The following TMTC2 variants were observed in gnomAD, a reference collection of about 807,000 sequenced individuals.
TMTC2 encodes transmembrane O-mannosyltransferase targeting cadherins 2.
TMTC2 carries 43 observed loss-of-function variants against 82.4 expected under a neutral mutation model. The observed-to-expected ratio is 0.52, with a 90% CI of 0.41 to 0.67. The LOEUF (loss-of-function observed/expected upper bound fraction) is 0.67. TMTC2 is among the 30% of genes least tolerant of loss of function. The pLI is 0.00. For missense variants in TMTC2, 919 were observed against 1,012.4 expected (o/e 0.91, Z 1.25); for synonymous variants, 408 against 381.9 (o/e 1.07, Z -0.80).
At position 82,965,649 on chromosome 12, in the gene TMTC2, G is replaced by C; in HGVS notation, c.1774G>C (p.Asp592His). 6.2e-7 allele frequency: 1 copy of C among 1,613,828 alleles called. No homozygotes were observed. Among genetic ancestry groups the C allele is most frequent in the Non-Finnish European group, 8.5e-7 (1 of 1,179,786 alleles). Residue 592 changes from aspartate to histidine, a missense_variant, in exon 6 of 12, where the codon GAT becomes CAT. Coordinates refer to ENST00000321196, the MANE Select transcript of TMTC2 (RefSeq NM_152588.3). The stretch of plus-strand genomic sequence containing the variant: ...ATTCTTAAAGTGTTCGGAGATCCCA[G>C]ATGAAAACCTAAAGGACCCTCATGC... ...RTFLKCSEIP[D>H]ENLKDPHAHK...
At chr12:82,875,785 A>AT (rs1872454213) in intron 2 of TMTC2, among the ~76,000 whole-genome samples, 1 of 151,068 alleles carries the variant, frequency 6.6e-6, no homozygotes, top group Admixed American at 6.6e-5. Flanking sequence ...AGGGCACTTG[A>AT]TTTTTTTTAA....
At chr12:83,125,910 TAG>T (rs1295138748) in intron 11 of TMTC2, among the ~76,000 whole-genome samples, 3 of 152,192 alleles carry the variant, frequency 2.0e-5, no homozygotes, top group Non-Finnish European at 4.4e-5. Flanking sequence ...TGGTAATAGC[TAG>T]CAAAGTCAAA....
At position 82,878,123 on chromosome 12, in the gene TMTC2, T is replaced by C. The variant is rs1336681581; in HGVS notation, c.655-17695T>C. Among the ~76,000 whole-genome samples, 3 of 152,232 alleles carry C rather than the reference T, an allele frequency of 2.0e-5. No homozygotes were observed. The East Asian group carries it at 5.8e-4, about 29-fold the overall frequency. On this transcript the variant is annotated intron_variant, in intron 2 of 11. Coordinates refer to ENST00000321196, the MANE Select transcript of TMTC2 (RefSeq NM_152588.3). ...ATTCAGTCATTTGCTCAATCATTCA[T>C]GTACCCATTCACCCATATGACATGA...
At chr12:82,744,303 G>A (rs1482869924) in intron 1 of TMTC2, among the ~76,000 whole-genome samples, 2 of 152,104 alleles carry the variant, frequency 1.3e-5, no homozygotes, top group South Asian at 4.1e-4. Flanking sequence ...ACATGCCGTA[G>A]TCCCAGCTAC....
At chr12:82,973,193 A>G (rs1878522869) in intron 7 of TMTC2, among the ~76,000 whole-genome samples, 1 of 152,168 alleles carries the variant, frequency 6.6e-6, no homozygotes, top group Non-Finnish European at 1.5e-5. Flanking sequence ...GATTGCTTCC[A>G]TTGGCACTCT....
intron 2 of TMTC2, among the ~76,000 whole-genome samples, chr12:82,876,150 G>GGTGGTGGTA (rs1369335920): frequency 6.9e-6 from 1 of 145,982 alleles, no homozygotes; most frequent in Non-Finnish European, 1.5e-5. Context: ...TGGTGGTGGT[G>GGTGGTGGTA]GTGGTAGTGG....
intron 1 of TMTC2, among the ~76,000 whole-genome samples, chr12:82,847,089 G>A (rs1021682318): frequency 6.6e-6 from 1 of 152,066 alleles, no homozygotes; most frequent in Non-Finnish European, 1.5e-5. Context: ...AGCTTTAGAT[G>A]CATAGTATTT....
chr12:82,934,647 G>A (rs1876220355), intron 4 of TMTC2, among the ~76,000 whole-genome samples: 1 of 152,126 alleles, frequency 6.6e-6, no homozygotes, highest in Admixed American at 6.5e-5. Context: ...ATTTGGGATT[G>A]TTCCAAGTCT....
intron 1 of TMTC2, among the ~76,000 whole-genome samples, chr12:82,721,339 A>G (rs961215753): frequency 6.6e-6 from 1 of 152,210 alleles, no homozygotes; most frequent in African/African-American, 2.4e-5. Context: ...TGGACCAGAA[A>G]ATATTGACAA....
At chr12:82,948,499 T>C (rs1877157683) in intron 4 of TMTC2, among the ~76,000 whole-genome samples, 1 of 152,232 alleles carries the variant, frequency 6.6e-6, no homozygotes, top group Admixed American at 6.5e-5. Context: ...ATATATAGCT[T>C]CAGACTTTCA....
chr12:82,942,467 G>T (rs1028421844), intron 4 of TMTC2, among the ~76,000 whole-genome samples: 1 of 152,022 alleles, frequency 6.6e-6, no homozygotes, highest in Non-Finnish European at 1.5e-5. Context: ...ATAATTTGTA[G>T]AGTTACTATC....
chr12:82,701,588 CT>C (rs1873084580), intron 1 of TMTC2, among the ~76,000 whole-genome samples: 1 of 93,892 alleles, frequency 1.1e-5, no homozygotes, highest in Non-Finnish European at 2.1e-5. Flanking sequence ...CCCGTCTTTA[CT>C]AAAAAAAAAA....
intron 3 of TMTC2, among the ~76,000 whole-genome samples, chr12:82,920,431 G>A (rs1043638968): frequency 5.3e-5 from 8 of 152,124 alleles, no homozygotes; most frequent in Non-Finnish European, 1.0e-4. Flanking sequence ...AACAACTTCA[G>A]CAAGATGGGA....
At chr12:82,742,580 C>T (rs6539684) in intron 1 of TMTC2, among the ~76,000 whole-genome samples, 117,103 of 151,214 alleles carry the variant, frequency 0.77, 46,232 homozygotes, top group East Asian at 0.99. Context: ...AGTGCAATGG[C>T]GCATTCTCGG....
chr12:82,984,563 C>A (rs1879074090), intron 7 of TMTC2, among the ~76,000 whole-genome samples: 1 of 152,038 alleles, frequency 6.6e-6, no homozygotes, highest in East Asian at 1.9e-4. Context: ...CTGATTACGC[C>A]TCTAAAAGAA....
Position 82,965,634 on chromosome 12 carries a change from T to C in TMTC2, c.1759T>C (p.Cys587Arg). The change falls in exon 6 of 12, where the codon TGT becomes CGT. Residue 587 changes from cysteine to arginine, a missense_variant. Physicochemically the swap from Cys to Arg is radical, Grantham distance 180. Coordinates refer to ENST00000321196, the MANE Select transcript of TMTC2 (RefSeq NM_152588.3). The stretch of plus-strand genomic sequence containing the variant: ...AGAAGCCCGACGGACATTCTTAAAG[T>C]GTTCGGAGATCCCAGATGAAAACCT... ...TEEARRTFLK[C>R]SEIPDENLKD... 1 of 1,613,860 alleles carries C rather than the reference T, an allele frequency of 6.2e-7. No individual in the cohort carries two copies. Among genetic ancestry groups the C allele is most frequent in the Non-Finnish European group, 8.5e-7 (1 of 1,179,804 alleles).
intron 1 of TMTC2, among the ~76,000 whole-genome samples, chr12:82,753,603 A>T (rs1374523062): frequency 6.6e-6 from 1 of 152,142 alleles, no homozygotes; most frequent in Non-Finnish European, 1.5e-5. Flanking sequence ...AGGAAGTCAT[A>T]AAAAAAGAAA....
At chr12:83,077,066 A>G (rs1394251074) in intron 11 of TMTC2, among the ~76,000 whole-genome samples, 2 of 152,212 alleles carry the variant, frequency 1.3e-5, no homozygotes, top group Admixed American at 1.3e-4. Flanking sequence ...GACTATTGTG[A>G]TAGGGGAGAG....
chr12:83,111,461 A>G (rs760514335), intron 11 of TMTC2, among the ~76,000 whole-genome samples: 1 of 152,164 alleles, frequency 6.6e-6, no homozygotes, highest in Non-Finnish European at 1.5e-5. Flanking sequence ...AATATAATGC[A>G]ATTTTCATGT....
Sources: gnomAD v4.1 joint callset for allele counts (sites outside exome capture counted in the v4.1 genomes callset) on GRCh38, gnomAD v4.1.1 for gene constraint, MANE v1.5 for transcripts, NCBI Gene and HGNC (gene_info 2026-07-23, HGNC 2026-07-21) for gene names.